PKNOX2: variants seen among roughly 807,000 people sequenced by gnomAD.
PKNOX2 encodes PBX/knotted 1 homeobox 2.
A neutral mutation model predicts 53.1 loss-of-function variants in PKNOX2; 14 were observed. That is an observed-to-expected ratio of 0.26 (90% confidence interval 0.17 to 0.41). The LOEUF (loss-of-function observed/expected upper bound fraction) is 0.41, where lower values mean the gene tolerates loss of function less well. PKNOX2 is among the 10% of genes least tolerant of loss of function. The pLI, the probability that PKNOX2 is intolerant of heterozygous loss-of-function variation, is 1.00. For missense variants in PKNOX2, 496 were observed against 602.8 expected, an observed-to-expected ratio of 0.82 and a Z score of 1.85; for synonymous variants, 257 against 242.8, an observed-to-expected ratio of 1.06 and a Z score of -0.54.
chr11:125,330,319 G>A (rs1258280371), intron 2 of PKNOX2: 2 of 152,370 alleles, frequency 1.3e-5, no homozygotes, highest in African/African-American at 4.8e-5. Flanking sequence ...AGAGTTCACA[G>A]ACGAGGTCAC....
At chr11:125,321,002 A>G (rs1440807043) in intron 2 of PKNOX2, among the ~76,000 whole-genome samples, 2 of 152,200 alleles carry the variant, frequency 1.3e-5, no homozygotes, top group African/African-American at 4.8e-5. Context: ...ACAGTGTGCC[A>G]TGGCTGTAAA....
At chr11:125,241,628 G>A (rs1253895333) in intron 2 of PKNOX2, among the ~76,000 whole-genome samples, 23 of 152,174 alleles carry the variant, frequency 1.5e-4, no homozygotes, top group Admixed American at 1.4e-3. Flanking sequence ...AGGGCAAGGT[G>A]GGCAGATCAC....
At chr11:125,182,875 G>A (rs2439473) in intron 1 of PKNOX2, among the ~76,000 whole-genome samples, 33,010 of 152,140 alleles carry the variant, frequency 0.22, 4,161 homozygotes, top group South Asian at 0.35. Context: ...CTGGGCTGAG[G>A]GCCAGAATCC....
chr11:125,355,277 GAAAA>G (rs61437536), intron 4 of PKNOX2, among the ~76,000 whole-genome samples: 19,614 of 109,242 alleles, frequency 0.18, 1,704 homozygotes, highest in East Asian at 0.36. Flanking sequence ...AAAAAAAAAA[GAAAA>G]AAAAAAAAAA....
At chr11:125,193,805 G>C (rs2135362676) in intron 1 of PKNOX2, among the ~76,000 whole-genome samples, 1 of 152,286 alleles carries the variant, frequency 6.6e-6, no homozygotes, top group South Asian at 2.1e-4. Flanking sequence ...AGGAGGTTCA[G>C]AGCAGGGGAC....
chr11:125,174,983 C>G (rs886408267), intron 1 of PKNOX2, among the ~76,000 whole-genome samples: 1 of 152,156 alleles, frequency 6.6e-6, no homozygotes, highest in Non-Finnish European at 1.5e-5. Context: ...GAAAGGATTC[C>G]TCCAGCCTTC....
At chr11:125,174,953 G>A (rs1797980459) in intron 1 of PKNOX2, among the ~76,000 whole-genome samples, 1 of 152,104 alleles carries the variant, frequency 6.6e-6, no homozygotes, top group African/African-American at 2.4e-5. Context: ...GACAGATTCT[G>A]GAGGAAAGCC....
At chr11:125,300,175 A>G (rs1947945931) in intron 2 of PKNOX2, among the ~76,000 whole-genome samples, 1 of 152,146 alleles carries the variant, frequency 6.6e-6, no homozygotes, top group African/African-American at 2.4e-5. Context: ...TTCTTTGGAG[A>G]GTCTGCTTTT....
intron 2 of PKNOX2, among the ~76,000 whole-genome samples, chr11:125,326,169 A>C (rs1252285025): frequency 1.3e-5 from 2 of 152,234 alleles, no homozygotes; most frequent in Admixed American, 6.5e-5. Context: ...GGAGATTAAG[A>C]TTCACGCACA....
At chr11:125,374,359 T>C (rs956476179) in intron 5 of PKNOX2, among the ~76,000 whole-genome samples, 4 of 152,100 alleles carry the variant, frequency 2.6e-5, no homozygotes, top group Non-Finnish European at 5.9e-5. Flanking sequence ...CTTTGTGGGA[T>C]GGGGGTTCTT....
chr11:125,179,237 TTCTA>T (rs2135261476), intron 1 of PKNOX2, among the ~76,000 whole-genome samples: 1 of 152,350 alleles, frequency 6.6e-6, no homozygotes, highest in South Asian at 2.1e-4. Context: ...CTCAGGTGGC[TTCTA>T]TCCTGTTAGG....
chr11:125,324,141 G>A (rs1230043098), intron 2 of PKNOX2, among the ~76,000 whole-genome samples: 2 of 152,120 alleles, frequency 1.3e-5, no homozygotes, highest in Non-Finnish European at 2.9e-5. Flanking sequence ...CCCAAGAGAG[G>A]CAGAACAGAA....
At chr11:125,192,404 A>G (rs1191785954) in intron 1 of PKNOX2, among the ~76,000 whole-genome samples, 4 of 152,280 alleles carry the variant, frequency 2.6e-5, no homozygotes, top group African/African-American at 9.6e-5. Flanking sequence ...AGGCACTGCA[A>G]TTGTTTCCTG....
At chr11:125,345,019 G>T (rs1950896396) in intron 3 of PKNOX2, among the ~76,000 whole-genome samples, 1 of 152,120 alleles carries the variant, frequency 6.6e-6, no homozygotes, top group Non-Finnish European at 1.5e-5. Context: ...GACCTCAGCA[G>T]ACTGGAGGAT....
intron 1 of PKNOX2, chr11:125,188,103 C>A (rs1357196031): frequency 6.6e-6 from 1 of 152,160 alleles, no homozygotes; most frequent in African/African-American, 2.4e-5. Context: ...TATTAACACC[C>A]CCATTTTAGA....
chr11:125,177,970 G>A (rs1169048924), intron 1 of PKNOX2, among the ~76,000 whole-genome samples: 1 of 152,184 alleles, frequency 6.6e-6, no homozygotes, highest in African/African-American at 2.4e-5. Flanking sequence ...AGAGAGGGAG[G>A]AAATGAACAT....
chr11:125,317,504 G>A (rs970438333), intron 2 of PKNOX2, among the ~76,000 whole-genome samples: 1 of 152,224 alleles, frequency 6.6e-6, no homozygotes, highest in Admixed American at 6.5e-5. Flanking sequence ...TGGATGTTGT[G>A]TTAGCAGGCA....
At chr11:125,203,022 T>C (rs898674425) in intron 1 of PKNOX2, among the ~76,000 whole-genome samples, 3 of 152,168 alleles carry the variant, frequency 2.0e-5, no homozygotes, top group African/African-American at 7.2e-5. Context: ...TTAATTCTTA[T>C]TGGAATCTCT....
chr11:125,431,322 A>G lies in PKNOX2; in HGVS notation c.1349A>G (p.Glu450Gly). The G allele has an allele frequency of 1.2e-6, 2 of 1,613,788 alleles. No homozygotes were observed. The highest frequency in any genetic ancestry group is 1.7e-6 in the Non-Finnish European group (2 of 1,179,944). ...GAGGAGGAGGAGGAGGAGCTGGAGG[A>G]GGAGGTCGACGAGCTGCAGACGACA... ...MEEEEEEELEEEVDELQTTNV... is the reference protein window; with the variant it reads ...MEEEEEEELEGEVDELQTTNV... Residue 450 changes from glutamate (E) to glycine (G), a missense_variant, in exon 13 of 13, where the codon GAG (glutamate) becomes GGG (glycine). Transcript: ENST00000298282.
Sources: allele counts gnomAD v4.1 joint callset (sites outside exome capture counted in the v4.1 genomes callset), GRCh38; gene constraint gnomAD v4.1.1; transcripts MANE v1.5; gene names NCBI Gene and HGNC (gene_info 2026-07-23, HGNC 2026-07-21).